Variants in SP4 observed in about 807,000 individuals in gnomAD.
The protein encoded by SP4 is transcription factor Sp4.
SP4 carries 19 observed loss-of-function variants against 72.8 expected under a neutral mutation model. The ratio of observed to expected loss-of-function variants is 0.26; its 90% CI spans 0.18 to 0.38. The LOEUF is 0.38. SP4 is among the 10% of genes least tolerant of loss of function. The probability of loss-of-function intolerance (pLI) is 1.00; values close to 1 mark genes in which losing one functional copy is unlikely to be tolerated. For synonymous variants in SP4, 395 were observed against 333.1 expected (o/e 1.19, Z -2.02); for missense variants, 1,008 against 926.3 (o/e 1.09, Z -1.14).
intron 3 of SP4, among the ~76,000 whole-genome samples, chr7:21,438,430 C>A (rs752793475): frequency 6.6e-6 from 1 of 151,904 alleles, no homozygotes; most frequent in South Asian, 2.1e-4. Context: ...AGGGTGAATT[C>A]TATTAAGCAA....
At chr7:21,457,818 G>A (rs1057023253) in intron 3 of SP4, among the ~76,000 whole-genome samples, 6 of 151,926 alleles carry the variant, frequency 3.9e-5, no homozygotes, top group African/African-American at 1.5e-4. Context: ...TAGGAGTTGG[G>A]GTCTTGCTCT....
chr7:21,468,412 G>A (rs116704304), intron 3 of SP4, among the ~76,000 whole-genome samples: 103 of 151,994 alleles, frequency 6.8e-4, no homozygotes, highest in African/African-American at 2.4e-3. Flanking sequence ...TCTCTCTTTT[G>A]AGGTCTTGTT....
intron 5 of SP4, among the ~76,000 whole-genome samples, chr7:21,508,859 C>A (rs1026829578): frequency 7.0e-6 from 1 of 142,416 alleles, no homozygotes. Flanking sequence ...GTCATCCAGG[C>A]TAGAGTGCAG....
chr7:21,462,113 C>T (rs996887690), intron 3 of SP4, among the ~76,000 whole-genome samples: 23 of 151,056 alleles, frequency 1.5e-4, no homozygotes, highest in African/African-American at 5.6e-4. Flanking sequence ...GCAACCTCCA[C>T]CTCCCAGGCT....
intron 3 of SP4, chr7:21,471,113 G>T (rs1484064792): frequency 1.9e-6 from 1 of 534,774 alleles, no homozygotes; most frequent in Non-Finnish European, 3.8e-6. Flanking sequence ...TTCACTGTAG[G>T]TGATGGTGAG....
chr7:21,459,476 A>G (rs765915476), intron 3 of SP4, among the ~76,000 whole-genome samples: 26 of 152,210 alleles, frequency 1.7e-4, no homozygotes, highest in Admixed American at 5.9e-4. Context: ...AGATTTCATT[A>G]AAATAAATAC....
intron 3 of SP4, among the ~76,000 whole-genome samples, chr7:21,458,775 C>T (rs1316787745): frequency 6.6e-6 from 1 of 151,970 alleles, no homozygotes; most frequent in Non-Finnish European, 1.5e-5. Context: ...AGGTGGCACC[C>T]CCTTCCCGCT....
chr7:21,444,677 G>C (rs570404616), intron 3 of SP4, among the ~76,000 whole-genome samples: 2 of 152,270 alleles, frequency 1.3e-5, no homozygotes, highest in East Asian at 1.9e-4. Flanking sequence ...TGTATTAACT[G>C]TTTATTTTTC....
chr7:21,502,698 C>T (rs1781901450), intron 5 of SP4, among the ~76,000 whole-genome samples: 1 of 152,094 alleles, frequency 6.6e-6, no homozygotes, highest in Non-Finnish European at 1.5e-5. Context: ...ACATCCTTTA[C>T]CTCAATTATT....
At chr7:21,438,099 C>A (rs1389771005) in intron 3 of SP4, among the ~76,000 whole-genome samples, 1 of 150,564 alleles carries the variant, frequency 6.6e-6, no homozygotes, top group Non-Finnish European at 1.5e-5. Flanking sequence ...AGTTACACAA[C>A]AGTGGAATGG....
At chr7:21,488,559 A>G (rs1784886676) in intron 5 of SP4, among the ~76,000 whole-genome samples, 1 of 151,044 alleles carries the variant, frequency 6.6e-6, no homozygotes. Flanking sequence ...AGTGGGGAGA[A>G]TAAACAAACA....
rs775375148 is a variant in SP4, at chr7:21,429,494, C to G, written c.329C>G (p.Pro110Arg). 1 of 1,614,112 alleles carries G rather than the reference C, an allele frequency of 6.2e-7. No homozygotes were observed. Among genetic ancestry groups the G allele is most frequent in the African/African-American group, 1.3e-5 (1 of 74,942 alleles). ...NAWQLVASTP[P>R]ASKENNVSQP... ...TGGCAACTTGTTGCCTCCACTCCTCCTGCTTCAAAAGAGAATAACGTTTCT... is the reference window on the plus strand; with the variant it reads ...TGGCAACTTGTTGCCTCCACTCCTCGTGCTTCAAAAGAGAATAACGTTTCT... The change falls in exon 3 of 6, where the codon CCT becomes CGT. Residue 110 changes from proline (P) to arginine (R), a missense_variant. Pro to Arg is a moderately radical substitution (Grantham distance 103). Coordinates refer to ENST00000222584, the MANE Select transcript of SP4 (RefSeq NM_003112.5).
chr7:21,486,803 CA>C (rs1193306123), intron 5 of SP4, among the ~76,000 whole-genome samples: 1 of 152,154 alleles, frequency 6.6e-6, no homozygotes, highest in East Asian at 1.9e-4. Context: ...AGTCGACATT[CA>C]GGGGGAAGAG....
intron 4 of SP4, among the ~76,000 whole-genome samples, chr7:21,480,941 T>G (rs1562616478): frequency 6.6e-6 from 1 of 152,218 alleles, no homozygotes; most frequent in African/African-American, 2.4e-5. Flanking sequence ...GACTTATGGC[T>G]TTTGAACCGG....
chr7:21,481,553 A>G (rs890470558), intron 4 of SP4, among the ~76,000 whole-genome samples: 2 of 152,172 alleles, frequency 1.3e-5, no homozygotes, highest in African/African-American at 4.8e-5. Flanking sequence ...CCCTGCTAGA[A>G]ACGAAACTCT....
At chr7:21,469,492 G>C (rs994409932) in intron 3 of SP4, among the ~76,000 whole-genome samples, 2 of 151,356 alleles carry the variant, frequency 1.3e-5, no homozygotes, top group Non-Finnish European at 2.9e-5. Context: ...AAAATAGGTA[G>C]AAAGGGAGAA....
intron 5 of SP4, among the ~76,000 whole-genome samples, chr7:21,507,386 G>A (rs189767055): frequency 1.3e-5 from 2 of 152,284 alleles, no homozygotes; most frequent in Admixed American, 1.3e-4. Context: ...AGTTGGTTTG[G>A]CTCCGCCATG....
intron 3 of SP4, among the ~76,000 whole-genome samples, chr7:21,445,662 A>G (rs890980084): frequency 2.0e-5 from 3 of 152,112 alleles, no homozygotes; most frequent in Admixed American, 1.3e-4. Flanking sequence ...CAAGGCTTAG[A>G]AAGTTTAAAT....
In SP4 at chr7:21,491,300, A is replaced by G. The variant is rs545260660; in HGVS notation, c.2107+9177A>G. On this transcript the variant is annotated intron_variant, in intron 5 of 5. Transcript: ENST00000222584. ...AAGTTTATCAGATGCTCAGTAGCTA[A>G]GTGGAGATAATAGAGGAAAGAGTCA... is the stretch of plus-strand genomic sequence containing the variant. Among the ~76,000 whole-genome samples, 3 of 152,330 alleles carry G rather than the reference A, an allele frequency of 2.0e-5. No homozygotes were observed. The East Asian group carries it at 5.8e-4, about 29-fold the overall frequency.
Sources: allele counts gnomAD v4.1 joint callset (sites outside exome capture counted in the v4.1 genomes callset), GRCh38; gene constraint gnomAD v4.1.1; transcripts MANE v1.5; gene names NCBI Gene and HGNC (gene_info 2026-07-23, HGNC 2026-07-21).